ARHGAP6: variants seen among roughly 807,000 people sequenced by gnomAD.
The protein encoded by ARHGAP6 is rho GTPase-activating protein 6.
A neutral mutation model predicts 55.7 loss-of-function variants in ARHGAP6; 16 were observed. That is an observed-to-expected ratio of 0.29 (90% confidence interval 0.19 to 0.44). The LOEUF is 0.44. Ranked by LOEUF, ARHGAP6 falls within the 20% of genes least tolerant of loss-of-function variation. ARHGAP6 has a pLI of 1.00. For missense variants in ARHGAP6, 698 were observed against 808.9 expected, an observed-to-expected ratio of 0.86 and a Z score of 1.66; for synonymous variants, 382 against 360.9, an observed-to-expected ratio of 1.06 and a Z score of -0.66.
At chrX:11,161,248 T>G (rs1490595373) in intron 9 of ARHGAP6, among the ~76,000 whole-genome samples, 1 of 112,583 alleles carries the variant, frequency 8.9e-6, no homozygotes, top group Non-Finnish European at 1.9e-5. Flanking sequence ...TTCAAACTAC[T>G]GGCTCAGTTA....
chrX:11,352,959 A>G (rs2048881952), intron 1 of ARHGAP6, among the ~76,000 whole-genome samples: 1 of 111,628 alleles, frequency 9.0e-6, no homozygotes, highest in African/African-American at 3.3e-5. Flanking sequence ...TTTTTATACA[A>G]TATATGTCAA....
chrX:11,476,668 C>G (rs1428528371), intron 1 of ARHGAP6, among the ~76,000 whole-genome samples: 2 of 110,962 alleles, frequency 1.8e-5, no homozygotes, highest in African/African-American at 6.5e-5. Flanking sequence ...AGAGAATCCA[C>G]AAACAGACTC....
chrX:11,607,208 C>G (rs754398355), intron 1 of ARHGAP6, among the ~76,000 whole-genome samples: 1 of 112,155 alleles, frequency 8.9e-6, no homozygotes, highest in Non-Finnish European at 1.9e-5. Flanking sequence ...TGACAACTTA[C>G]AATTCTCACC....
chrX:11,644,535 C>A (rs746702494), intron 1 of ARHGAP6, among the ~76,000 whole-genome samples: 5 of 110,561 alleles, frequency 4.5e-5, no homozygotes, highest in Non-Finnish European at 9.5e-5. Context: ...TTGAACAGAC[C>A]CTTCACCAAA....
chrX:11,317,800 A>G (rs916685), intron 1 of ARHGAP6, among the ~76,000 whole-genome samples: 26,628 of 110,509 alleles, frequency 0.24, 2,449 homozygotes, highest in Middle Eastern at 0.35. Flanking sequence ...TTTCATAATT[A>G]TTGCTTATAC....
chrX:11,591,730 A>G (rs1221915933), intron 1 of ARHGAP6, among the ~76,000 whole-genome samples: 1 of 112,205 alleles, frequency 8.9e-6, no homozygotes, highest in Non-Finnish European at 1.9e-5. Context: ...TTAAATGGAC[A>G]TGATGGGTCT....
chrX:11,563,897 C>T (rs746634210), intron 1 of ARHGAP6, among the ~76,000 whole-genome samples: 6 of 111,047 alleles, frequency 5.4e-5, no homozygotes, highest in Non-Finnish European at 9.4e-5. Flanking sequence ...AACATGTCTC[C>T]GAGTATTCTT....
intron 1 of ARHGAP6, among the ~76,000 whole-genome samples, chrX:11,612,202 C>T (rs754167164): frequency 2.0e-4 from 22 of 111,803 alleles, no homozygotes; most frequent in Non-Finnish European, 2.3e-4. Context: ...CTGCACATAG[C>T]TGAACATAAA....
chrX:11,309,154 T>C (rs1054350833), intron 1 of ARHGAP6, among the ~76,000 whole-genome samples: 11 of 112,057 alleles, frequency 9.8e-5, no homozygotes, highest in African/African-American at 3.6e-4. Flanking sequence ...CCCCATGGAA[T>C]CTTTCACGTC....
intron 1 of ARHGAP6, among the ~76,000 whole-genome samples, chrX:11,470,283 A>T (rs1205154772): frequency 8.9e-6 from 1 of 112,252 alleles, no homozygotes; most frequent in Non-Finnish European, 1.9e-5. Context: ...ATTTCATCAG[A>T]AATGACTGGC....
chrX:11,623,891 T>C (rs902380802), intron 1 of ARHGAP6, among the ~76,000 whole-genome samples: 4 of 111,712 alleles, frequency 3.6e-5, no homozygotes, highest in African/African-American at 1.3e-4. Flanking sequence ...AAAATTTGTA[T>C]GCAACCACAA....
At chrX:11,272,293 C>T (rs1435245418) in intron 1 of ARHGAP6, among the ~76,000 whole-genome samples, 1 of 111,530 alleles carries the variant, frequency 9.0e-6, no homozygotes. Flanking sequence ...GGGGTTGGGG[C>T]TCAGACAATG....
intron 1 of ARHGAP6, among the ~76,000 whole-genome samples, chrX:11,378,510 T>C (rs1218059905): frequency 3.6e-5 from 4 of 112,352 alleles, no homozygotes; most frequent in Non-Finnish European, 7.5e-5. Flanking sequence ...CCGAAGACCA[T>C]CCTCTGCTTC....
rs1555964833 is a variant in ARHGAP6 at position 11,174,639 on chromosome X, C to CT, written c.1629+3460dup. ...TTCTCTTTCTTTTCTTTCTTTCTTTCTTTCTTTCTTTCTTTCTTTCTTTCT... is the reference window on the plus strand; with the variant it reads ...TTCTCTTTCTTTTCTTTCTTTCTTTCTTTTCTTTCTTTCTTTCTTTCTTTCT... On this transcript the variant is annotated intron_variant, in intron 8 of 12. Coordinates refer to ENST00000337414, the MANE Select transcript of ARHGAP6 (RefSeq NM_013427.3). Among the ~76,000 whole-genome samples, 347 of 62,176 alleles carry CT rather than the reference C, an allele frequency of 5.6e-3. 2 individuals are homozygous for CT. Among genetic ancestry groups the CT allele is most frequent in the Middle Eastern group, 0.016 (2 of 123 alleles). The allele number at this position is 62,176 out of a possible 115,157, so 54.0% of individuals were successfully genotyped here. A position where few individuals can be genotyped will look rare whatever the true frequency, so the allele number is the denominator to read the frequency against.
chrX:11,520,136 TATA>T (rs2050899919), intron 1 of ARHGAP6, among the ~76,000 whole-genome samples: 2 of 36,885 alleles, frequency 5.4e-5, no homozygotes, highest in Admixed American at 2.9e-4. Context: ...TGATTTTATA[TATA>T]TATATATATA....
At chrX:11,321,507 A>C (rs966945856) in intron 1 of ARHGAP6, among the ~76,000 whole-genome samples, 2 of 112,185 alleles carry the variant, frequency 1.8e-5, no homozygotes, top group African/African-American at 6.5e-5. Flanking sequence ...GATTGAATAA[A>C]ATAATACATC....
At chrX:11,560,860 C>T (rs1478696320) in intron 1 of ARHGAP6, among the ~76,000 whole-genome samples, 1 of 112,073 alleles carries the variant, frequency 8.9e-6, no homozygotes, top group Admixed American at 9.5e-5. Flanking sequence ...ATTCTAATGA[C>T]AAATTTCCAG....
At chrX:11,404,254 T>G (rs754505599) in intron 1 of ARHGAP6, among the ~76,000 whole-genome samples, 1 of 111,059 alleles carries the variant, frequency 9.0e-6, no homozygotes, top group African/African-American at 3.3e-5. Flanking sequence ...ACTTTTGGCT[T>G]AAGAACCTAT....
chrX:11,266,341 C>A (rs894996972), intron 1 of ARHGAP6, among the ~76,000 whole-genome samples: 5 of 111,135 alleles, frequency 4.5e-5, no homozygotes, highest in South Asian at 3.8e-4. Flanking sequence ...ACATAGGATG[C>A]CTTCTTTGTT....
Sources: gnomAD v4.1 joint callset for allele counts (sites outside exome capture counted in the v4.1 genomes callset) on GRCh38, gnomAD v4.1.1 for gene constraint, MANE v1.5 for transcripts, NCBI Gene and HGNC (gene_info 2026-07-23, HGNC 2026-07-21) for gene names.